LTBP1: variants seen among roughly 807,000 people sequenced by gnomAD.
LTBP1 encodes the protein latent transforming growth factor beta binding protein 1, also known as latent-transforming growth factor beta-binding protein 1.
A neutral mutation model predicts 207.6 loss-of-function variants in LTBP1; 129 were observed. The observed-to-expected ratio is 0.62, with a 90% confidence interval of 0.54 to 0.72. The LOEUF is 0.72. Ranked by LOEUF, LTBP1 falls within the 30% of genes least tolerant of loss-of-function variation. LTBP1 has a pLI of 0.00. For missense variants in LTBP1, 2,281 were observed against 2,217.2 expected (o/e 1.03, Z -0.58); for synonymous variants, 963 against 833.7 (o/e 1.16, Z -2.67).
At chr2:33,250,128 A>C (rs996527684) in intron 10 of LTBP1, among the ~76,000 whole-genome samples, 1 of 152,222 alleles carries the variant, frequency 6.6e-6, no homozygotes, top group Non-Finnish European at 1.5e-5. Flanking sequence ...GAGTGTGAAA[A>C]TACTAGAGAT....
At chr2:33,263,435 G>A (rs746937133) in intron 15 of LTBP1, 43 bp downstream of exon 15, 95 of 1,400,984 alleles carry the variant, frequency 6.8e-5, no homozygotes, top group East Asian at 1.4e-4. Context: ...TGGAGGAGAC[G>A]TGGGGCTGAG....
rs181051617 is a variant in LTBP1 at position 33,127,703 on chromosome 2, G to A, written c.1034-7090G>A. 1.4e-4 allele frequency among the ~76,000 whole-genome samples: 21 copies of A among 152,332 alleles called. No individual in the cohort carries two copies. The East Asian group carries it at 3.5e-3, about 25-fold the overall frequency. The stretch of plus-strand genomic sequence containing the variant: ...GAAAAGTGGAGAAATATCCATAGAC[G>A]TGTCTGCAAAGAGTCAAGAGACAAT... On this transcript the variant is annotated intron_variant, in intron 4 of 33. Transcript: ENST00000404816.
At chr2:33,299,433 A>G (rs7590205) in intron 20 of LTBP1, among the ~76,000 whole-genome samples, 55,806 of 151,916 alleles carry the variant, frequency 0.37, 11,136 homozygotes, top group Admixed American at 0.42. Context: ...AAATCCCTCT[A>G]TTTTATTTAT....
At chr2:33,296,652 T>G (rs184049251) in intron 20 of LTBP1, among the ~76,000 whole-genome samples, 6 of 152,276 alleles carry the variant, frequency 3.9e-5, no homozygotes, top group African/African-American at 1.4e-4. Context: ...AAAGATTGGT[T>G]GGGGAGACAA....
At chr2:33,046,703 G>A (rs1282791097) in intron 3 of LTBP1, among the ~76,000 whole-genome samples, 2 of 152,124 alleles carry the variant, frequency 1.3e-5, no homozygotes, top group Admixed American at 6.5e-5. Context: ...GCTCCTTTTT[G>A]TACCTCTGGT....
At chr2:33,252,590 T>A in intron 10 of LTBP1, 87 bp from the exon 11 acceptor site, 1 of 1,243,382 alleles carries the variant, frequency 8.0e-7, no homozygotes, top group Non-Finnish European at 1.1e-6. Flanking sequence ...TTTTAATTCA[T>A]ACCTTAGGGT....
intron 7 of LTBP1, among the ~76,000 whole-genome samples, chr2:33,208,906 C>G (rs140782666): frequency 0.019 from 2,462 of 127,840 alleles, 68 homozygotes; most frequent in African/African-American, 0.066. Context: ...CTCGCTCTGT[C>G]TCCCAGGCTG....
At chr2:33,270,074 A>T (rs1318509473) in intron 15 of LTBP1, among the ~76,000 whole-genome samples, 2 of 149,262 alleles carry the variant, frequency 1.3e-5, no homozygotes, top group Non-Finnish European at 3.0e-5. Flanking sequence ...CCACCACCAC[A>T]CCTGGCTAAT....
At chr2:33,089,114 C>G (rs1435593793) in intron 3 of LTBP1, among the ~76,000 whole-genome samples, 1 of 142,138 alleles carries the variant, frequency 7.0e-6, no homozygotes, top group African/African-American at 2.6e-5. Flanking sequence ...CAAGATCGCA[C>G]CACTGCACTC....
intron 24 of LTBP1, among the ~76,000 whole-genome samples, chr2:33,342,565 A>G (rs1413990973): frequency 2.6e-5 from 4 of 152,386 alleles, no homozygotes; most frequent in African/African-American, 9.6e-5. Flanking sequence ...TGGGCGTGGC[A>G]CTTGCAGCCA....
chr2:33,007,345 C>A (rs115418692), intron 2 of LTBP1, among the ~76,000 whole-genome samples: 3,068 of 152,330 alleles, frequency 0.02, 106 homozygotes, highest in African/African-American at 0.07. Flanking sequence ...TTCTTCTAGG[C>A]TGTTCCATCC....
At chr2:33,260,724 CA>C (rs2092988449) in intron 13 of LTBP1, among the ~76,000 whole-genome samples, 1 of 152,168 alleles carries the variant, frequency 6.6e-6, no homozygotes, top group African/African-American at 2.4e-5. Flanking sequence ...CTCTAAAGAT[CA>C]GTCACAGCGA....
intron 3 of LTBP1, among the ~76,000 whole-genome samples, chr2:33,091,478 G>A (rs938250566): frequency 2.0e-5 from 3 of 152,128 alleles, no homozygotes; most frequent in Admixed American, 6.5e-5. Flanking sequence ...AGGTTCCTAC[G>A]TAAGGCGGTC....
chr2:32,977,142 G>C (rs1681923271), intron 2 of LTBP1, among the ~76,000 whole-genome samples: 2 of 152,252 alleles, frequency 1.3e-5, no homozygotes, highest in African/African-American at 4.8e-5. Context: ...GCTCTAGCAG[G>C]CATGGCCTGC....
chr2:32,949,754 T>C (rs1676821290), intron 2 of LTBP1, among the ~76,000 whole-genome samples: 1 of 152,218 alleles, frequency 6.6e-6, no homozygotes. Flanking sequence ...CCCATGTGGA[T>C]TGGAATTGTC....
intron 3 of LTBP1, among the ~76,000 whole-genome samples, chr2:33,087,621 C>T (rs974345508): frequency 6.6e-6 from 1 of 152,296 alleles, no homozygotes; most frequent in East Asian, 1.9e-4. Flanking sequence ...CACCCTCTGT[C>T]CTGCCCCCAG....
At chr2:33,391,632 C>T (rs978704038) in intron 32 of LTBP1, among the ~76,000 whole-genome samples, 3 of 152,210 alleles carry the variant, frequency 2.0e-5, no homozygotes, top group Non-Finnish European at 4.4e-5. Context: ...AGCACTGAAA[C>T]CTCAGTAACC....
intron 11 of LTBP1, among the ~76,000 whole-genome samples, chr2:33,254,839 C>T (rs13025410): frequency 3.8e-5 from 2 of 53,116 alleles, no homozygotes; most frequent in African/African-American, 9.8e-5. Flanking sequence ...TGAGTGAGAA[C>T]ATGCGGTGTT....
rs191563847 is a variant in LTBP1 at position 32,981,129 on chromosome 2, G to A, written c.565+32184G>A. ...TATGGATATTTTTCTCTAGGTTTGG[G>A]AAATTTCTCTGTTATTATTCCTTTG... On this transcript the variant is annotated intron_variant, in intron 2 of 33. Coordinates refer to ENST00000404816, the MANE Select transcript of LTBP1 (RefSeq NM_206943.4). Among the ~76,000 whole-genome samples the A allele has an allele frequency of 1.7e-3, 261 of 152,112 alleles. 1 individual carries two copies. The highest frequency in any genetic ancestry group is 3.1e-3 in the Non-Finnish European group (214 of 67,988).
Sources: allele counts gnomAD v4.1 joint callset (sites outside exome capture counted in the v4.1 genomes callset), GRCh38; gene constraint gnomAD v4.1.1; transcripts MANE v1.5; gene names NCBI Gene and HGNC (gene_info 2026-07-23, HGNC 2026-07-21).